Variants in AOAH observed in about 807,000 individuals in gnomAD.
AOAH encodes acyloxyacyl hydrolase (neutrophil).
Under a neutral mutation model 92.2 loss-of-function variants are expected in AOAH, and 64 were observed. The observed-to-expected ratio is 0.69, with a 90% CI of 0.57 to 0.86. The LOEUF (loss-of-function observed/expected upper bound fraction) is 0.86, where lower values mean the gene tolerates loss of function less well. Ranked by LOEUF, AOAH falls within the 40% of genes least tolerant of loss-of-function variation. AOAH has a pLI of 0.00. For missense variants in AOAH, 656 were observed against 694.6 expected (o/e 0.94, Z 0.62); for synonymous variants, 263 against 254.5 (o/e 1.03, Z -0.32).
At chr7:36,564,295 G>C (rs752005959) in intron 13 of AOAH, among the ~76,000 whole-genome samples, 2 of 152,146 alleles carry the variant, frequency 1.3e-5, no homozygotes, top group Non-Finnish European at 2.9e-5. Context: ...GCCTCAACTT[G>C]CCTTTATTTC....
chr7:36,570,967 G>A (rs1190074396), intron 13 of AOAH, among the ~76,000 whole-genome samples: 1 of 152,174 alleles, frequency 6.6e-6, no homozygotes, highest in Non-Finnish European at 1.5e-5. Context: ...CATGGGACTG[G>A]ACATCAGTCT....
rs1404123214 is a variant in AOAH, at chr7:36,671,560, T to C, written c.290+2383A>G. Among the ~76,000 whole-genome samples, 3 of 152,124 alleles carry C rather than the reference T, an allele frequency of 2.0e-5. 1 individual carries two copies. Among genetic ancestry groups the C allele is most frequent in the South Asian group, 4.1e-4 (2 of 4,832 alleles). Reference sequence around the variant, plus strand: ...TATTAGGAAAATGCGTGCATGCTCATGAATGTACATGTCTGTATGAGTGTG... The same window carrying C: ...TATTAGGAAAATGCGTGCATGCTCACGAATGTACATGTCTGTATGAGTGTG... On this transcript the variant is annotated intron_variant, in intron 3 of 20. Coordinates refer to ENST00000617537, the MANE Select transcript of AOAH (RefSeq NM_001637.4).
At chr7:36,566,439 C>T (rs771089119) in intron 13 of AOAH, among the ~76,000 whole-genome samples, 4 of 150,918 alleles carry the variant, frequency 2.7e-5, no homozygotes, top group Non-Finnish European at 4.4e-5. Flanking sequence ...GGCTGGATTC[C>T]GTGGGTTCAG....
At chr7:36,654,163 G>T (rs13438734) in intron 4 of AOAH, among the ~76,000 whole-genome samples, 35,412 of 130,710 alleles carry the variant, frequency 0.27, 4,509 homozygotes, top group African/African-American at 0.34. Flanking sequence ...CAATCAATGC[G>T]CTGTTTCATG....
chr7:36,684,906 C>CAAAAAAAAAAAAAAAAAAAAA (rs57827044), intron 2 of AOAH, among the ~76,000 whole-genome samples: 2 of 60,012 alleles, frequency 3.3e-5, no homozygotes, highest in Admixed American at 3.1e-4. Context: ...GACCTTGTCT[C>CAAAAAAAAAAAAAAAAAAAAA]AAAAAAAAAA....
chr7:36,522,856 A>AG (rs901071545), intron 19 of AOAH, among the ~76,000 whole-genome samples: 8 of 152,078 alleles, frequency 5.3e-5, no homozygotes, highest in African/African-American at 1.4e-4. Context: ...GCGTCCAGTG[A>AG]GGGGGGCAGG....
intron 13 of AOAH, among the ~76,000 whole-genome samples, chr7:36,574,635 A>G (rs991275401): frequency 2.0e-5 from 3 of 152,176 alleles, no homozygotes; most frequent in Admixed American, 2.0e-4. Flanking sequence ...CCTATCACTC[A>G]GTGTCTTACC....
chr7:36,705,293 AG>A (rs1472788266), intron 1 of AOAH, among the ~76,000 whole-genome samples: 8 of 152,200 alleles, frequency 5.3e-5, no homozygotes, highest in African/African-American at 1.9e-4. Context: ...GCAAAGTCTC[AG>A]GATACAAAAT....
rs1195658046 is a variant in AOAH at position 36,596,826 on chromosome 7, T to G, written c.847-2396A>C. Among the ~76,000 whole-genome samples the G allele has an allele frequency of 3.3e-5, 5 of 152,212 alleles. No homozygotes were observed. The East Asian group carries it at 9.6e-4, about 29-fold the overall frequency. Reference sequence around the variant, plus strand: ...ACTTTGATATGGCAGCCAAGGAAACTAATACATGGCTTGAATCGGACAATA... The same window carrying G: ...ACTTTGATATGGCAGCCAAGGAAACGAATACATGGCTTGAATCGGACAATA... On this transcript the variant is annotated intron_variant, in intron 11 of 20. Transcript: ENST00000617537.
chr7:36,669,086 A>G (rs1026758643), intron 3 of AOAH, among the ~76,000 whole-genome samples: 1 of 152,196 alleles, frequency 6.6e-6, no homozygotes, highest in African/African-American at 2.4e-5. Flanking sequence ...TCTAAAGAGG[A>G]GCAAGGATGA....
chr7:36,565,195 GTC>G (rs1787599199), intron 13 of AOAH, among the ~76,000 whole-genome samples: 2 of 152,160 alleles, frequency 1.3e-5, no homozygotes, highest in Non-Finnish European at 2.9e-5. Flanking sequence ...ACCAGAATCT[GTC>G]TCTGTCACCT....
chr7:36,690,365 G>T (rs1180198690), intron 1 of AOAH, among the ~76,000 whole-genome samples: 1 of 152,188 alleles, frequency 6.6e-6, no homozygotes, highest in Non-Finnish European at 1.5e-5. Flanking sequence ...GCTCAGCTCT[G>T]ATCTGGAGTC....
chr7:36,585,927 TAAA>T (rs1254953725), intron 12 of AOAH, among the ~76,000 whole-genome samples: 1 of 152,140 alleles, frequency 6.6e-6, no homozygotes, highest in Non-Finnish European at 1.5e-5. Context: ...TTTGAGTAAT[TAAA>T]AATGAAAAAT....
intron 4 of AOAH, among the ~76,000 whole-genome samples, chr7:36,644,829 T>G (rs1219789003): frequency 6.7e-6 from 1 of 148,522 alleles, no homozygotes. Flanking sequence ...CAGTGACAGA[T>G]TCTCACAAAG....
chr7:36,531,842 T>TTGTGTGTGTG (rs3837108), intron 18 of AOAH, among the ~76,000 whole-genome samples: 5,352 of 150,584 alleles, frequency 0.036, 321 homozygotes, highest in African/African-American at 0.12. Context: ...CTTTAAGAGG[T>TTGTGTGTGTG]TGTGTGTGTG....
chr7:36,612,684 C>T (rs1282640787), intron 11 of AOAH, among the ~76,000 whole-genome samples: 1 of 152,188 alleles, frequency 6.6e-6, no homozygotes, highest in Admixed American at 6.5e-5. Context: ...CTAGTAACTT[C>T]ATCTCTTGTT....
chr7:36,648,052 G>A (rs1029650475), intron 4 of AOAH, among the ~76,000 whole-genome samples: 1 of 151,980 alleles, frequency 6.6e-6, no homozygotes, highest in East Asian at 1.9e-4. Flanking sequence ...GGCTGGTCTC[G>A]AACTCCTGAC....
At chr7:36,531,388 C>A (rs1583742931) in intron 18 of AOAH, among the ~76,000 whole-genome samples, 1 of 152,012 alleles carries the variant, frequency 6.6e-6, no homozygotes, top group Non-Finnish European at 1.5e-5. Context: ...GCTCTGTTGC[C>A]CAGGCTGGAA....
At chr7:36,683,491 T>C (rs1015810402) in intron 2 of AOAH, among the ~76,000 whole-genome samples, 2 of 152,138 alleles carry the variant, frequency 1.3e-5, no homozygotes, top group African/African-American at 2.4e-5. Flanking sequence ...GAAAGGCATA[T>C]GCAAAAAAAC....
Sources: gnomAD v4.1 joint callset for allele counts (sites outside exome capture counted in the v4.1 genomes callset) on GRCh38, gnomAD v4.1.1 for gene constraint, MANE v1.5 for transcripts, NCBI Gene and HGNC (gene_info 2026-07-23, HGNC 2026-07-21) for gene names.